The following TIAM1 variants were observed in gnomAD, a reference collection of about 807,000 sequenced individuals.
TIAM1 encodes the protein rho guanine nucleotide exchange factor TIAM1.
A neutral mutation model predicts 163.5 loss-of-function variants in TIAM1; 65 were observed. The observed-to-expected ratio is 0.40, with a 90% CI of 0.33 to 0.49. The LOEUF (loss-of-function observed/expected upper bound fraction) is 0.49. Among genes scored for constraint, TIAM1 ranks in the 20% least tolerant of loss-of-function variants. The pLI, the probability that TIAM1 is intolerant of heterozygous loss-of-function variation, is 0.77. For missense variants in TIAM1, 1,789 were observed against 2,044.7 expected (o/e 0.87, Z 2.41); for synonymous variants, 833 against 810.1 (o/e 1.03, Z -0.48).
chr21:31,139,529 C>G (rs1319152688), intron 22 of TIAM1, among the ~76,000 whole-genome samples: 1 of 152,108 alleles, frequency 6.6e-6, no homozygotes, highest in Non-Finnish European at 1.5e-5. Flanking sequence ...AAAATCAACA[C>G]CAAAATATGG....
chr21:31,346,595 C>A (rs532947932), upstream of TIAM1, among the ~76,000 whole-genome samples: 1 of 152,140 alleles, frequency 6.6e-6, no homozygotes, highest in Non-Finnish European at 1.5e-5. Flanking sequence ...TGGTGTGCAG[C>A]GAGAGATGTG....
At chr21:31,339,570 A>T in intron 1 of TIAM1, 148 bp from the exon 2 acceptor site, 1 of 394,986 alleles carries the variant, frequency 2.5e-6, no homozygotes, top group East Asian at 3.6e-5. Context: ...TAGAGTATGG[A>T]TATTTTGATA....
chr21:31,475,356 C>G (rs183088586), intron 1 of TIAM1, among the ~76,000 whole-genome samples: 27 of 152,262 alleles, frequency 1.8e-4, no homozygotes, highest in Admixed American at 1.3e-3. Context: ...GAGTAAGCCA[C>G]TGCATCCGGC....
chr21:31,407,629 A>ATTTTTTTTTTTTT (rs562921160), intron 2 of TIAM1, among the ~76,000 whole-genome samples: 5 of 94,086 alleles, frequency 5.3e-5, no homozygotes, highest in Admixed American at 1.3e-4. Flanking sequence ...TTTGCTCTTA[A>ATTTTTTTTTTTTT]TTTTTTTTTT....
rs763291483 is a variant in TIAM1, at chr21:31,252,114, A to C, written c.1039T>G (p.Ser347Ala). The change falls in exon 5 of 28, where the codon TCC becomes GCC. Residue 347 changes from serine (S) to alanine (A), a missense_variant. Coordinates refer to ENST00000541036, the MANE Select transcript of TIAM1 (RefSeq NM_001353694.2). Reference sequence around the variant, plus strand: ...GAGTTGGTGGCATTAGATCGCCTGGACAGGAGGTCCGTGTCGGTAGTGGCC... The same window carrying C: ...GAGTTGGTGGCATTAGATCGCCTGGCCAGGAGGTCCGTGTCGGTAGTGGCC... ...EGATTDTDLL[S>A]RRSNATNSSY... The C allele has an allele frequency of 5.0e-6, 8 of 1,613,360 alleles. No homozygotes were observed. The African/African-American group carries it at 5.3e-5, about 11-fold the overall frequency.
chr21:31,440,408 G>GT (rs1284792136), intron 2 of TIAM1, among the ~76,000 whole-genome samples: 2 of 152,042 alleles, frequency 1.3e-5, no homozygotes, highest in African/African-American at 4.8e-5. Context: ...GACTCCCCCA[G>GT]TCCCCAAATA....
intron 2 of TIAM1, among the ~76,000 whole-genome samples, chr21:31,426,059 C>T (rs76200936): frequency 0.053 from 8,092 of 151,938 alleles, 271 homozygotes; most frequent in Middle Eastern, 0.12. Context: ...GGGGATCAGG[C>T]GGTTTTTGGT....
chr21:31,242,003 C>T (rs138379602), intron 6 of TIAM1, among the ~76,000 whole-genome samples: 139 of 152,142 alleles, frequency 9.1e-4, no homozygotes, highest in Admixed American at 7.7e-3. Flanking sequence ...GAGCAAGACC[C>T]TATCTCTAAA....
At chr21:31,237,389 G>A (rs2146685377) in intron 6 of TIAM1, among the ~76,000 whole-genome samples, 1 of 152,338 alleles carries the variant, frequency 6.6e-6, no homozygotes, top group African/African-American at 2.4e-5. Context: ...GTTCTCTTGA[G>A]CCTGACGAAA....
chr21:31,513,953 G>A (rs766075653), intron 1 of TIAM1, among the ~76,000 whole-genome samples: 1 of 152,172 alleles, frequency 6.6e-6, no homozygotes, highest in Non-Finnish European at 1.5e-5. Flanking sequence ...GATGTAGTGA[G>A]CCGAGATGGT....
chr21:31,213,070 AGTT>A (rs2086970734), intron 10 of TIAM1: 1 of 252,398 alleles, frequency 4.0e-6, no homozygotes, highest in Non-Finnish European at 7.5e-6. Flanking sequence ...TGGGAAGAGA[AGTT>A]GTACATGGAA....
chr21:31,344,156 G>GC lies in TIAM1; in HGVS notation c.-388dup, dbSNP rs768652952. 6.6e-6 allele frequency: 1 copy of GC among 152,252 alleles called. No homozygotes were observed. Among genetic ancestry groups the GC allele is most frequent in the Non-Finnish European group, 1.5e-5 (1 of 68,056 alleles). 9.4% of individuals were successfully genotyped at this position (152,252 alleles called of 1,614,324 possible). Reference sequence around the variant, plus strand: ...AGCTCACCGCTGCTCAACAAGGCGCGCACGTTTCTCCCCGTCTGGCTTCAC... The same window carrying GC: ...AGCTCACCGCTGCTCAACAAGGCGCGCCACGTTTCTCCCCGTCTGGCTTCAC... On this transcript the variant is annotated 5_prime_UTR_variant, in exon 1 of 28. Coordinates refer to ENST00000541036, the MANE Select transcript of TIAM1 (RefSeq NM_001353694.2).
intron 2 of TIAM1, among the ~76,000 whole-genome samples, chr21:31,281,630 C>G (rs2073570256): frequency 6.6e-6 from 1 of 152,106 alleles, no homozygotes; most frequent in Non-Finnish European, 1.5e-5. Context: ...CAAATCAGTA[C>G]TGACAGATAA....
chr21:31,515,185 T>C (rs1361716228), intron 1 of TIAM1, among the ~76,000 whole-genome samples: 3 of 152,176 alleles, frequency 2.0e-5, no homozygotes, highest in Non-Finnish European at 4.4e-5. Flanking sequence ...TCCAAAATCA[T>C]GACCCACCCT....
At chr21:31,247,130 G>A (rs1268059063) in intron 5 of TIAM1, among the ~76,000 whole-genome samples, 3 of 151,818 alleles carry the variant, frequency 2.0e-5, no homozygotes, top group Non-Finnish European at 4.4e-5. Context: ...CACCAGTGTG[G>A]GCAATATAGC....
intron 1 of TIAM1, among the ~76,000 whole-genome samples, chr21:31,523,389 G>C (rs547563860): frequency 1.2e-4 from 18 of 152,120 alleles, no homozygotes; most frequent in Admixed American, 3.9e-4. Context: ...TCCCAAATGA[G>C]AACAAGTCAT....
intron 1 of TIAM1, among the ~76,000 whole-genome samples, chr21:31,551,056 C>CA (rs1390851581): frequency 3.2e-4 from 48 of 150,890 alleles, no homozygotes; most frequent in Admixed American, 2.8e-3. Context: ...ACTAAAAATA[C>CA]AAAAAAAATT....
At chr21:31,359,538 T>C (rs972544915) in intron 2 of TIAM1, among the ~76,000 whole-genome samples, 4 of 152,088 alleles carry the variant, frequency 2.6e-5, no homozygotes, top group Non-Finnish European at 5.9e-5. Flanking sequence ...CTCACGCTTG[T>C]AATCCCAGCA....
intron 1 of TIAM1, among the ~76,000 whole-genome samples, chr21:31,542,835 G>T (rs573678834): frequency 2.0e-5 from 3 of 152,054 alleles, no homozygotes; most frequent in African/African-American, 7.2e-5. Context: ...CAGGATGGTG[G>T]TGCGCACCTG....
Sources: gnomAD v4.1 joint callset for allele counts (sites outside exome capture counted in the v4.1 genomes callset) on GRCh38, gnomAD v4.1.1 for gene constraint, MANE v1.5 for transcripts, NCBI Gene and HGNC (gene_info 2026-07-23, HGNC 2026-07-21) for gene names.